The following CCBE1 variants were observed in gnomAD, a reference collection of about 807,000 sequenced individuals.
The protein encoded by CCBE1 is collagen and calcium-binding EGF domain-containing protein 1.
CCBE1 carries 37 observed loss-of-function variants against 50.0 expected under a neutral mutation model. The observed-to-expected ratio is 0.74, with a 90% CI of 0.57 to 0.97. The LOEUF (loss-of-function observed/expected upper bound fraction) is 0.97, where lower values mean the gene tolerates loss of function less well. CCBE1 is among the 50% of genes least tolerant of loss of function. The pLI, the probability that CCBE1 is intolerant of heterozygous loss-of-function variation, is 0.00. For missense variants in CCBE1, 538 were observed against 523.8 expected, an observed-to-expected ratio of 1.03 and a Z score of -0.26; for synonymous variants, 234 against 203.7, an observed-to-expected ratio of 1.15 and a Z score of -1.27.
chr18:59,626,417 G>A (rs1040973956), intron 2 of CCBE1, among the ~76,000 whole-genome samples: 4 of 152,344 alleles, frequency 2.6e-5, no homozygotes, highest in South Asian at 2.1e-4. Flanking sequence ...TCAGGGGCAG[G>A]AGGGTGAGGA....
chr18:59,476,701 T>A (rs1211933591), intron 3 of CCBE1, among the ~76,000 whole-genome samples: 2 of 152,206 alleles, frequency 1.3e-5, no homozygotes, highest in African/African-American at 2.4e-5. Context: ...TAGCTTCCAC[T>A]CATTAGTTAA....
chr18:59,667,660 A>T (rs1321382683), intron 2 of CCBE1, among the ~76,000 whole-genome samples: 1 of 152,168 alleles, frequency 6.6e-6, no homozygotes, highest in Non-Finnish European at 1.5e-5. Context: ...CTCTCCCCTC[A>T]TCCCCTGATC....
At chr18:59,457,022 A>G (rs1911225308) in intron 5 of CCBE1, among the ~76,000 whole-genome samples, 1 of 152,212 alleles carries the variant, frequency 6.6e-6, no homozygotes, top group South Asian at 2.1e-4. Context: ...CGTTTCCACA[A>G]GTGACAGTGT....
intron 2 of CCBE1, among the ~76,000 whole-genome samples, chr18:59,569,795 T>C (rs1160643529): frequency 1.3e-5 from 2 of 152,134 alleles, no homozygotes; most frequent in Non-Finnish European, 2.9e-5. Flanking sequence ...ACACCATGCC[T>C]AGCTAATTTT....
Position 59,443,536 on chromosome 18 carries a change from G to T in CCBE1, c.776-3720C>A, listed in dbSNP as rs139560520. Among the ~76,000 whole-genome samples, 512 of 150,514 alleles carry T rather than the reference G, an allele frequency of 3.4e-3. 2 individuals are homozygous for T. The highest frequency in any genetic ancestry group is 0.012 in the African/African-American group (491 of 40,830). ...GGCTGGAGTGCAGTGGTGCAATCTC[G>T]TCTCACTGCAACCTCCGCTTCCCAG... On this transcript the variant is annotated intron_variant, in intron 7 of 10. Coordinates refer to ENST00000439986, the MANE Select transcript of CCBE1 (RefSeq NM_133459.4).
chr18:59,492,249 T>A lies in CCBE1; in HGVS notation c.213-12011A>T, dbSNP rs537768508. ...TTAAAATATTGCCTTCTATTTTTTT[T>A]TCCCTCTGGTAGAAGCCCCAAATTA... On this transcript the variant is annotated intron_variant, in intron 2 of 10. Transcript: ENST00000439986. Among the ~76,000 whole-genome samples, 232 of 152,268 alleles carry A rather than the reference T, an allele frequency of 1.5e-3. 2 individuals carry two copies. The highest frequency in any genetic ancestry group is 5.2e-3 in the African/African-American group (214 of 41,548).
chr18:59,674,644 G>C (rs1258223903), intron 2 of CCBE1, among the ~76,000 whole-genome samples: 3 of 152,036 alleles, frequency 2.0e-5, no homozygotes, highest in African/African-American at 7.3e-5. Flanking sequence ...AAATAAACAA[G>C]GTCAATAAGA....
intron 2 of CCBE1, among the ~76,000 whole-genome samples, chr18:59,589,790 CAAAAAAAAA>C (rs752546235): frequency 8.2e-5 from 6 of 73,114 alleles, no homozygotes; most frequent in East Asian, 3.5e-4. Flanking sequence ...GACTCCATCT[CAAAAAAAAA>C]AAAAAAAAAA....
chr18:59,572,545 C>T (rs1248557757), intron 2 of CCBE1, among the ~76,000 whole-genome samples: 1 of 152,110 alleles, frequency 6.6e-6, no homozygotes, highest in Non-Finnish European at 1.5e-5. Flanking sequence ...CCTTAATATC[C>T]TCTATCACAG....
rs544050959 is a variant in CCBE1, at chr18:59,633,542, T to C, written c.212+63087A>G. Among the ~76,000 whole-genome samples, 36 of 152,340 alleles carry C rather than the reference T, an allele frequency of 2.4e-4. No homozygotes were observed. The South Asian group carries it at 4.8e-3, about 20-fold the overall frequency. ...CATGGCCTTCCTCTATCATCATCTG[T>C]ACATTTCATTAAGCCGTGTTTTCAG... On this transcript the variant is annotated intron_variant, in intron 2 of 10. Transcript: ENST00000439986.
In CCBE1 at chr18:59,695,858, G is replaced by T. The variant is rs528727628; in HGVS notation, c.212+771C>A. Among the ~76,000 whole-genome samples, 7 of 152,250 alleles carry T rather than the reference G, an allele frequency of 4.6e-5. No individual in the cohort carries two copies. The South Asian group carries it at 1.2e-3, about 27-fold the overall frequency. On this transcript the variant is annotated intron_variant, in intron 2 of 10. Coordinates refer to ENST00000439986, the MANE Select transcript of CCBE1 (RefSeq NM_133459.4). ...GCAGATATCCAATAAACGTTTATGG[G>T]TGCATGTTCCCCTATCCAGTGAGAG...
At chr18:59,528,579 AT>A (rs981840041) in intron 2 of CCBE1, among the ~76,000 whole-genome samples, 1 of 151,744 alleles carries the variant, frequency 6.6e-6, no homozygotes, top group African/African-American at 2.4e-5. Context: ...TTTTTTGTTG[AT>A]TTTTTCTCAA....
intron 2 of CCBE1, among the ~76,000 whole-genome samples, chr18:59,540,294 C>T (rs918344932): frequency 6.6e-5 from 10 of 152,074 alleles, no homozygotes; most frequent in African/African-American, 9.7e-5. Context: ...AAGCCAACAG[C>T]TTAATTTTCA....
intron 2 of CCBE1, among the ~76,000 whole-genome samples, chr18:59,562,141 A>G (rs1039245188): frequency 2.0e-5 from 3 of 152,184 alleles, no homozygotes; most frequent in African/African-American, 7.2e-5. Context: ...ATAAGTTAAA[A>G]CAGTGAAATT....
At chr18:59,570,021 C>A (rs2144483158) in intron 2 of CCBE1, among the ~76,000 whole-genome samples, 1 of 152,316 alleles carries the variant, frequency 6.6e-6, no homozygotes, top group Non-Finnish European at 1.5e-5. Flanking sequence ...ATATCAAAGG[C>A]ATTTTCTACT....
chr18:59,576,800 A>G (rs1451180576), intron 2 of CCBE1, among the ~76,000 whole-genome samples: 1 of 152,228 alleles, frequency 6.6e-6, no homozygotes, highest in Non-Finnish European at 1.5e-5. Context: ...TCTGGAATCC[A>G]TGCATGTCTC....
chr18:59,555,397 G>A (rs1014561082), intron 2 of CCBE1, among the ~76,000 whole-genome samples: 1 of 152,180 alleles, frequency 6.6e-6, no homozygotes, highest in Non-Finnish European at 1.5e-5. Context: ...TCTTCCAGTT[G>A]TGTTTGTGAA....
chr18:59,690,287 G>A (rs1313651095), intron 2 of CCBE1, among the ~76,000 whole-genome samples: 1 of 152,102 alleles, frequency 6.6e-6, no homozygotes, highest in Non-Finnish European at 1.5e-5. Context: ...CAATAGCTTC[G>A]CAGAAAAAAA....
chr18:59,475,182 A>G (rs1339181226), intron 3 of CCBE1, among the ~76,000 whole-genome samples: 1 of 152,168 alleles, frequency 6.6e-6, no homozygotes, highest in African/African-American at 2.4e-5. Context: ...TTTTGGCACC[A>G]TTCTAACTCA....
Sources: gnomAD v4.1 joint callset for allele counts (sites outside exome capture counted in the v4.1 genomes callset) on GRCh38, gnomAD v4.1.1 for gene constraint, MANE v1.5 for transcripts, NCBI Gene and HGNC (gene_info 2026-07-23, HGNC 2026-07-21) for gene names.